Variants in STK24 observed in about 807,000 individuals in gnomAD.
The protein encoded by STK24 is serine/threonine kinase 24, also known as serine/threonine-protein kinase 24.
STK24 carries 21 observed loss-of-function variants against 55.6 expected under a neutral mutation model. The observed-to-expected ratio is 0.38, with a 90% CI of 0.27 to 0.54. The LOEUF is 0.54. STK24 is among the 20% of genes least tolerant of loss of function. The pLI, the probability that STK24 is intolerant of heterozygous loss-of-function variation, is 0.79. For synonymous variants in STK24, 200 were observed against 215.2 expected (o/e 0.93, Z 0.62); for missense variants, 383 against 538.4 (o/e 0.71, Z 2.86).
intron 3 of STK24, among the ~76,000 whole-genome samples, chr13:98,480,488 A>G (rs1894540146): frequency 6.6e-6 from 1 of 152,220 alleles, no homozygotes; most frequent in Non-Finnish European, 1.5e-5. Flanking sequence ...ACATTTATGG[A>G]AAGGAACCAA....
At chr13:98,534,686 G>A (rs1052967591) in intron 1 of STK24, among the ~76,000 whole-genome samples, 1 of 152,106 alleles carries the variant, frequency 6.6e-6, no homozygotes, top group Non-Finnish European at 1.5e-5. Context: ...CACCCAGACC[G>A]GTAATCTGGC....
Position 98,445,858 on chromosome 13 carries a change from T to TGTCG in STK24, c.*7314_*7315insCGAC. 2.8e-6 allele frequency: 1 copy of TGTCG among 357,672 alleles called. No homozygotes were observed. The highest frequency in any genetic ancestry group is 4.8e-6 in the Non-Finnish European group (1 of 206,560). The allele number at this position is 357,672 out of a possible 1,614,324, so 22.2% of individuals were successfully genotyped here. A position where few individuals can be genotyped will look rare whatever the true frequency, so the allele number is the denominator to read the frequency against. On this transcript the variant is annotated 3_prime_UTR_variant, in exon 11 of 11. Transcript: ENST00000539966. The stretch of plus-strand genomic sequence containing the variant: ...GGTACTGGTAGTCAGGACCTCAACG[T>TGTCG]GTCTTTTGGGGGGACACAGGGACCC...
At position 98,447,037 on chromosome 13, in the gene STK24, G is replaced by T. The variant is rs933257706; in HGVS notation, c.*6136C>A. 3 of 530,206 alleles carry T rather than the reference G, an allele frequency of 5.7e-6. No homozygotes were observed. In the South Asian group the frequency reaches 6.9e-5, roughly 12 times the overall value. The allele number at this position is 530,206 out of a possible 1,614,324, so 32.8% of individuals were successfully genotyped here. On this transcript the variant is annotated 3_prime_UTR_variant, in exon 11 of 11. Transcript: ENST00000539966. The stretch of plus-strand genomic sequence containing the variant: ...TGCGCCCTTACCCTGCACGGTGTTG[G>T]CTGAGGCCCTAGACATCTTGCTTGG...
intron 2 of STK24, among the ~76,000 whole-genome samples, chr13:98,494,979 G>A (rs1326071036): frequency 6.6e-6 from 1 of 152,212 alleles, no homozygotes; most frequent in Non-Finnish European, 1.5e-5. Context: ...AGATGACCCT[G>A]TGGCAGCACA....
intron 2 of STK24, among the ~76,000 whole-genome samples, chr13:98,494,140 G>A (rs1406914104): frequency 2.8e-5 from 4 of 145,154 alleles, no homozygotes; most frequent in Admixed American, 1.4e-4. Context: ...GGCCGGGCAC[G>A]GTGGCTCAAG....
In STK24 at chr13:98,445,322, T is replaced by C. The variant is rs1159895030; in HGVS notation, c.*7851A>G. ...AACTGCTTTGAGTCTCTGCTGGTGA[T>C]GTCACTTTGGCAAAGGGACGAAATG... On this transcript the variant is annotated 3_prime_UTR_variant, in exon 11 of 11. Coordinates refer to ENST00000539966, the MANE Select transcript of STK24 (RefSeq NM_001032296.4). The C allele has an allele frequency of 2.0e-5, 3 of 152,426 alleles. No homozygotes were observed. The East Asian group carries it at 5.8e-4, about 29-fold the overall frequency. The allele number at this position is 152,426 out of a possible 1,614,324, so 9.4% of individuals were successfully genotyped here.
intron 1 of STK24, among the ~76,000 whole-genome samples, chr13:98,548,516 G>A (rs1206737404): frequency 6.6e-6 from 1 of 152,198 alleles, no homozygotes; most frequent in Non-Finnish European, 1.5e-5. Context: ...CACAGCTGAT[G>A]ATGCGTACAC....
intron 1 of STK24, among the ~76,000 whole-genome samples, chr13:98,565,499 G>A (rs1479430478): frequency 6.6e-6 from 1 of 152,006 alleles, no homozygotes; most frequent in Non-Finnish European, 1.5e-5. Context: ...TGGTGTGGTC[G>A]CGGGTGCCTG....
At chr13:98,514,171 G>A in intron 2 of STK24, among the ~76,000 whole-genome samples, 1 of 152,224 alleles carries the variant, frequency 6.6e-6, no homozygotes, top group East Asian at 1.9e-4. Context: ...GGGTGCATCT[G>A]AAAGTCAATA....
At chr13:98,576,434 C>T (rs1279589615) in intron 1 of STK24, among the ~76,000 whole-genome samples, 1 of 152,120 alleles carries the variant, frequency 6.6e-6, no homozygotes. Context: ...CAGGGCCACC[C>T]AGGGCCTGCA....
At chr13:98,555,014 C>CAAAA (rs398024117) in intron 1 of STK24, among the ~76,000 whole-genome samples, 244 of 87,276 alleles carry the variant, frequency 2.8e-3, no homozygotes, top group Non-Finnish European at 3.2e-3. Flanking sequence ...GACTCCAACT[C>CAAAA]AAAAAAAAAA....
chr13:98,538,248 T>C (rs866810799), intron 1 of STK24, among the ~76,000 whole-genome samples: 12 of 110,536 alleles, frequency 1.1e-4, no homozygotes, highest in Non-Finnish European at 2.1e-4. Flanking sequence ...TTTTTTGAGA[T>C]GGAGTCTCGC....
chr13:98,502,705 G>C (rs1050075160), intron 2 of STK24, among the ~76,000 whole-genome samples: 1 of 152,126 alleles, frequency 6.6e-6, no homozygotes, highest in Non-Finnish European at 1.5e-5. Context: ...GAAAGCCCTC[G>C]CCAGATGCCA....
At chr13:98,510,138 G>A (rs1895833277) in intron 2 of STK24, among the ~76,000 whole-genome samples, 1 of 152,200 alleles carries the variant, frequency 6.6e-6, no homozygotes, top group South Asian at 2.1e-4. Flanking sequence ...CAGGACGTGT[G>A]GGAGCAAACA....
At chr13:98,456,731 C>G in intron 10 of STK24, 2 of 362,172 alleles carry the variant, frequency 5.5e-6, no homozygotes, top group African/African-American at 2.1e-5. Context: ...ACAGCTAACA[C>G]AGGGAACACA....
chr13:98,454,508 C>T (rs1255248181), intron 10 of STK24: 1 of 152,222 alleles, frequency 6.6e-6, no homozygotes, highest in Non-Finnish European at 1.5e-5. Flanking sequence ...CCCAAAAGCA[C>T]ACATTAGCCA....
At position 98,463,497 on chromosome 13, in the gene STK24, C is replaced by T. The variant is rs143902307; in HGVS notation, c.929+194G>A. ...TACCACAAGAGTTCACTCGCAGAAA[C>T]TCCACCAGCAACGTCAAGAGGCTAA... On this transcript the variant is annotated intron_variant, in intron 7 of 10. Transcript: ENST00000539966. 5.9e-5 allele frequency among the ~76,000 whole-genome samples: 9 copies of T among 152,108 alleles called. No homozygotes were observed. In the East Asian group the frequency reaches 9.7e-4, roughly 16 times the overall value.
At chr13:98,560,159 G>A (rs1594670452) in intron 1 of STK24, among the ~76,000 whole-genome samples, 1 of 152,218 alleles carries the variant, frequency 6.6e-6, no homozygotes, top group Non-Finnish European at 1.5e-5. Context: ...GCTACTCACA[G>A]TCTCAGTGCC....
Position 98,453,052 on chromosome 13 carries a change from G to T in STK24, c.*121C>A. 2 of 1,140,566 alleles carry T rather than the reference G, an allele frequency of 1.8e-6. No individual in the cohort carries two copies. Among genetic ancestry groups the T allele is most frequent in the Non-Finnish European group, 2.5e-6 (2 of 785,074 alleles). The allele number at this position is 1,140,566 out of a possible 1,614,324, so 70.7% of individuals were successfully genotyped here. On this transcript the variant is annotated 3_prime_UTR_variant, in exon 11 of 11. Transcript: ENST00000539966. ...GTCCCTGGACGGGCGCCTGGCGCTG[G>T]GGTGGCTCCCAGTGGCGCACCTCTT... is the stretch of plus-strand genomic sequence containing the variant.
Sources: gnomAD v4.1 joint callset for allele counts (sites outside exome capture counted in the v4.1 genomes callset) on GRCh38, gnomAD v4.1.1 for gene constraint, MANE v1.5 for transcripts, NCBI Gene and HGNC (gene_info 2026-07-23, HGNC 2026-07-21) for gene names.